Variants in KSR2 observed in about 807,000 individuals in gnomAD.
KSR2 encodes the protein kinase suppressor of ras 2.
Under a neutral mutation model 107.8 loss-of-function variants are expected in KSR2, and 25 were observed. The observed-to-expected ratio is 0.23, with a 90% CI of 0.17 to 0.32. The LOEUF is 0.32. KSR2 is among the 10% of genes least tolerant of loss of function. The pLI, the probability that KSR2 is intolerant of heterozygous loss-of-function variation, is 1.00. For missense variants in KSR2, 887 were observed against 1,268.9 expected, an observed-to-expected ratio of 0.70 and a Z score of 4.57; for synonymous variants, 480 against 507.0, an observed-to-expected ratio of 0.95 and a Z score of 0.71.
At chr12:117,467,595 C>A (rs1871218045) in intron 19 of KSR2, among the ~76,000 whole-genome samples, 6 of 152,174 alleles carry the variant, frequency 3.9e-5, no homozygotes, top group Admixed American at 3.9e-4. Context: ...GAACTTTTCC[C>A]ACTTGGGCAT....
intron 3 of KSR2, among the ~76,000 whole-genome samples, chr12:117,788,671 T>A (rs1223125791): frequency 2.6e-5 from 4 of 152,134 alleles, no homozygotes; most frequent in East Asian, 1.9e-4. Context: ...CTGGCTTTTT[T>A]GTTTGTTTGT....
intron 5 of KSR2, among the ~76,000 whole-genome samples, chr12:117,658,414 T>C (rs2136457422): frequency 6.6e-6 from 1 of 152,310 alleles, no homozygotes; most frequent in South Asian, 2.1e-4. Flanking sequence ...GGTCACAGTC[T>C]ACATCCCATG....
At chr12:117,492,482 C>T (rs1872797710) in intron 14 of KSR2, among the ~76,000 whole-genome samples, 1 of 152,184 alleles carries the variant, frequency 6.6e-6, no homozygotes, top group African/African-American at 2.4e-5. Flanking sequence ...TGGCTCCCAG[C>T]CCAGCTCTGT....
chr12:117,638,826 A>T (rs1183008288), intron 5 of KSR2, among the ~76,000 whole-genome samples: 1 of 152,220 alleles, frequency 6.6e-6, no homozygotes, highest in Non-Finnish European at 1.5e-5. Context: ...CAAGTGAGGA[A>T]AAACCTCCAG....
chr12:117,739,709 C>G (rs145587126), intron 4 of KSR2, among the ~76,000 whole-genome samples: 36 of 152,208 alleles, frequency 2.4e-4, no homozygotes, highest in African/African-American at 6.0e-4. Context: ...GTGGCAAAGA[C>G]AGTCTAGGGA....
At chr12:117,522,655 A>G (rs1874838615) in intron 14 of KSR2, among the ~76,000 whole-genome samples, 1 of 152,128 alleles carries the variant, frequency 6.6e-6, no homozygotes, top group Non-Finnish European at 1.5e-5. Flanking sequence ...CCTTGAATCT[A>G]GTGGATAATA....
intron 5 of KSR2, among the ~76,000 whole-genome samples, chr12:117,629,940 T>A (rs1882727367): frequency 6.6e-6 from 1 of 152,144 alleles, no homozygotes; most frequent in African/African-American, 2.4e-5. Flanking sequence ...CAACAGCAAG[T>A]CCCCTACCAA....
intron 3 of KSR2, among the ~76,000 whole-genome samples, chr12:117,767,804 A>C (rs1467434122): frequency 6.6e-6 from 1 of 151,616 alleles, no homozygotes; most frequent in Non-Finnish European, 1.5e-5. Flanking sequence ...AAAAAAAAAA[A>C]AATTCGAGCC....
intron 4 of KSR2, among the ~76,000 whole-genome samples, chr12:117,678,407 T>G (rs1215079699): frequency 6.6e-6 from 1 of 150,664 alleles, no homozygotes; most frequent in Non-Finnish European, 1.5e-5. Context: ...CTTCATGTAC[T>G]AGGAGTTAGG....
At chr12:117,757,259 T>C (rs1470378414) in intron 4 of KSR2, among the ~76,000 whole-genome samples, 1 of 152,098 alleles carries the variant, frequency 6.6e-6, no homozygotes, top group Non-Finnish European at 1.5e-5. Context: ...GCAAGAGAAC[T>C]AGAATTAAAA....
rs779393888 is a variant in KSR2 at position 117,466,208 on chromosome 12, G to C, written c.*991C>G. On this transcript the variant is annotated 3_prime_UTR_variant, in exon 20 of 20. Coordinates refer to ENST00000339824, the MANE Select transcript of KSR2 (RefSeq NM_173598.6). ...TACAGCCACATAACCCAACATGGACGTACCCCAAGAACCCGCATCCACCTT... is the reference window on the plus strand; with the variant it reads ...TACAGCCACATAACCCAACATGGACCTACCCCAAGAACCCGCATCCACCTT... 6.6e-6 allele frequency: 1 copy of C among 152,282 alleles called. No individual in the cohort carries two copies. The allele number at this position is 152,282 out of a possible 1,614,324, so 9.4% of individuals were successfully genotyped here.
chr12:117,601,845 C>A (rs1880973523), intron 5 of KSR2, among the ~76,000 whole-genome samples: 1 of 152,206 alleles, frequency 6.6e-6, no homozygotes, highest in Non-Finnish European at 1.5e-5. Flanking sequence ...GCCAACCTTC[C>A]AGTCTCTCCA....
intron 3 of KSR2, among the ~76,000 whole-genome samples, chr12:117,825,084 G>C (rs1381998373): frequency 6.6e-6 from 1 of 151,820 alleles, no homozygotes; most frequent in East Asian, 1.9e-4. Flanking sequence ...CAGGAGACTG[G>C]ACAGGAGAAC....
intron 3 of KSR2, among the ~76,000 whole-genome samples, chr12:117,762,937 T>C (rs542782747): frequency 1.4e-3 from 218 of 152,214 alleles, no homozygotes; most frequent in Middle Eastern, 3.4e-3. Context: ...ATGTGCACAA[T>C]GTGCAGGTTA....
chr12:117,656,963 G>GATATATATAT (rs199502933), intron 5 of KSR2, among the ~76,000 whole-genome samples: 1 of 88,836 alleles, frequency 1.1e-5, no homozygotes, highest in African/African-American at 4.8e-5. Flanking sequence ...TATATAATAG[G>GATATATATAT]ATATATATAT....
intron 1 of KSR2, among the ~76,000 whole-genome samples, chr12:117,949,626 T>A (rs1896301117): frequency 1.3e-5 from 2 of 152,194 alleles, no homozygotes; most frequent in Admixed American, 1.3e-4. Context: ...CACAGGACTG[T>A]ACATCCAAAA....
intron 4 of KSR2, among the ~76,000 whole-genome samples, chr12:117,688,728 G>C (rs957036463): frequency 1.3e-5 from 2 of 152,140 alleles, no homozygotes; most frequent in Non-Finnish European, 2.9e-5. Flanking sequence ...AAAATGTGCT[G>C]CCAAAGGACA....
At chr12:117,937,586 T>A (rs1257290524) in intron 1 of KSR2, among the ~76,000 whole-genome samples, 2 of 151,994 alleles carry the variant, frequency 1.3e-5, no homozygotes, top group African/African-American at 2.4e-5. Flanking sequence ...TTTCCTATAA[T>A]AAGGAGATGA....
chr12:117,937,740 C>G (rs1011405672), intron 1 of KSR2, among the ~76,000 whole-genome samples: 2 of 150,518 alleles, frequency 1.3e-5, no homozygotes, highest in Admixed American at 6.7e-5. Context: ...GGGTGGATCA[C>G]TTGAGGTCAG....
Sources: allele counts gnomAD v4.1 joint callset (sites outside exome capture counted in the v4.1 genomes callset), GRCh38; gene constraint gnomAD v4.1.1; transcripts MANE v1.5; gene names NCBI Gene and HGNC (gene_info 2026-07-23, HGNC 2026-07-21).